CMSS1: variants seen among roughly 807,000 people sequenced by gnomAD.
The protein encoded by CMSS1 is cms1 ribosomal small subunit homolog, also known as protein CMSS1.
CMSS1 carries 33 observed loss-of-function variants against 43.5 expected under a neutral mutation model. The ratio of observed to expected loss-of-function variants is 0.76; its 90% CI spans 0.57 to 1.01. The LOEUF is 1.01. CMSS1 is among the 50% of genes least tolerant of loss of function. CMSS1 has a pLI of 0.00. For missense variants in CMSS1, 313 were observed against 326.4 expected, an observed-to-expected ratio of 0.96 and a Z score of 0.32; for synonymous variants, 115 against 117.2, an observed-to-expected ratio of 0.98 and a Z score of 0.12.
chr3:99,825,283 C>G (rs974527479), intron 1 of CMSS1, among the ~76,000 whole-genome samples: 1 of 152,176 alleles, frequency 6.6e-6, no homozygotes, highest in African/African-American at 2.4e-5. Context: ...AAAACATAAT[C>G]AGCTTACATT....
rs188622899 is a variant in CMSS1 at position 99,911,884 on chromosome 3, A to T, written c.64+93841A>T. 2.0e-5 allele frequency among the ~76,000 whole-genome samples: 3 copies of T among 152,328 alleles called. No individual in the cohort carries two copies. In the East Asian group the frequency reaches 5.8e-4, roughly 29 times the overall value. ...TGTTAAGTTAAATGAAAGAATGGAT[A>T]ACAAATATCCCCCATTTTCTCTCTT... On this transcript the variant is annotated intron_variant, in intron 1 of 9. Coordinates refer to ENST00000421999, the MANE Select transcript of CMSS1 (RefSeq NM_032359.4).
At chr3:99,891,671 C>G in intron 1 of CMSS1, among the ~76,000 whole-genome samples, 1 of 152,008 alleles carries the variant, frequency 6.6e-6, no homozygotes, top group East Asian at 1.9e-4. Flanking sequence ...AATCTCATAC[C>G]GAAAATCAGC....
chr3:100,175,197 T>C (rs1442489806), intron 8 of CMSS1, among the ~76,000 whole-genome samples: 1 of 152,194 alleles, frequency 6.6e-6, no homozygotes, highest in Non-Finnish European at 1.5e-5. Flanking sequence ...GCAATGATCA[T>C]TTTTGCAAGT....
rs1033889136 is a variant in CMSS1 at position 99,880,953 on chromosome 3, T to G, written c.64+62910T>G. Among the ~76,000 whole-genome samples, 74 of 152,242 alleles carry G rather than the reference T, an allele frequency of 4.9e-4. 1 individual carries two copies. Among genetic ancestry groups the G allele is most frequent in the Admixed American group, 4.7e-3 (72 of 15,288 alleles). On this transcript the variant is annotated intron_variant, in intron 1 of 9. Transcript: ENST00000421999. ...ATTTCTGAATCATGTTAGTGGCTTT[T>G]CTGTAGACATTGGGCTATTTAAAAG...
chr3:99,934,664 T>G (rs967719881), intron 1 of CMSS1, among the ~76,000 whole-genome samples: 2 of 152,212 alleles, frequency 1.3e-5, no homozygotes, highest in African/African-American at 2.4e-5. Flanking sequence ...CCTTTTAGCT[T>G]AAGGCAGCCC....
chr3:100,164,562 A>C (rs562867483), intron 4 of CMSS1, among the ~76,000 whole-genome samples: 32 of 152,318 alleles, frequency 2.1e-4, no homozygotes, highest in Non-Finnish European at 4.3e-4. Context: ...TATAACCAAA[A>C]AGGACAGGTT....
At chr3:99,959,933 A>G (rs1424527307) in intron 1 of CMSS1, among the ~76,000 whole-genome samples, 2 of 152,198 alleles carry the variant, frequency 1.3e-5, no homozygotes, top group African/African-American at 4.8e-5. Context: ...GATGCATTCA[A>G]TGCATTCAGA....
chr3:100,109,227 A>T (rs550534677), intron 1 of CMSS1, among the ~76,000 whole-genome samples: 62 of 152,224 alleles, frequency 4.1e-4, no homozygotes, highest in Non-Finnish European at 6.3e-4. Flanking sequence ...CCTAAAAAAA[A>T]ATTTTTCAAT....
At position 99,923,566 on chromosome 3, in the gene CMSS1, G is replaced by A. The variant is rs542074328; in HGVS notation, c.64+105523G>A. On this transcript the variant is annotated intron_variant, in intron 1 of 9. Transcript: ENST00000421999. ...ACTAAACATCATAAGTAGTTCATGC[G>A]CACACCCCCCTCCCAACCTCATGGC... 3.9e-5 allele frequency among the ~76,000 whole-genome samples: 6 copies of A among 152,082 alleles called. No individual in the cohort carries two copies. In the South Asian group the frequency reaches 6.3e-4, roughly 16 times the overall value.
chr3:99,995,872 C>A (rs1709663576), intron 1 of CMSS1, among the ~76,000 whole-genome samples: 1 of 152,198 alleles, frequency 6.6e-6, no homozygotes, highest in African/African-American at 2.4e-5. Flanking sequence ...GCATGGGGAT[C>A]CTGGGCCCAG....
At chr3:100,142,063 T>C (rs1307786195) in intron 1 of CMSS1, among the ~76,000 whole-genome samples, 2 of 152,240 alleles carry the variant, frequency 1.3e-5, no homozygotes, top group Non-Finnish European at 2.9e-5. Flanking sequence ...AACAACTAAA[T>C]TATCCAATTT....
intron 1 of CMSS1, among the ~76,000 whole-genome samples, chr3:99,890,599 C>T (rs940883157): frequency 1.3e-5 from 2 of 152,042 alleles, no homozygotes; most frequent in Non-Finnish European, 2.9e-5. Flanking sequence ...ATTTTTCTTC[C>T]AGTTTACTAA....
At position 100,176,360 on chromosome 3, in the gene CMSS1, T is replaced by G. The variant is rs970385007; in HGVS notation, c.701T>G (p.Val234Gly). Residue 234 changes from valine to glycine, a missense_variant, in exon 9 of 10, where the codon GTT becomes GGT. Val to Gly is a moderately radical substitution (Grantham distance 109, BLOSUM62 -3). Coordinates refer to ENST00000421999, the MANE Select transcript of CMSS1 (RefSeq NM_032359.4). ...GLNLSPLKFL[V>G]FDWNWRDQKL... is the part of the protein sequence containing the mutation. ...AATTTGAGCCCCTTAAAATTTCTGG[T>G]TTTTGACTGGAACTGGAGAGATCAG... The G allele has an allele frequency of 3.7e-6, 6 of 1,613,362 alleles. No homozygotes were observed. The highest frequency in any genetic ancestry group is 5.1e-6 in the Non-Finnish European group (6 of 1,179,402).
At chr3:100,040,461 A>C (rs1004726035) in intron 1 of CMSS1, 1 of 152,218 alleles carries the variant, frequency 6.6e-6, no homozygotes, top group Non-Finnish European at 1.5e-5. Flanking sequence ...GAAACAGTTT[A>C]GGTAGCATCA....
At chr3:100,045,211 C>G (rs2065260255) in intron 1 of CMSS1, among the ~76,000 whole-genome samples, 1 of 152,210 alleles carries the variant, frequency 6.6e-6, no homozygotes, top group Non-Finnish European at 1.5e-5. Flanking sequence ...GCATCTATAA[C>G]TTGGAAGTAA....
intron 1 of CMSS1, among the ~76,000 whole-genome samples, chr3:100,107,402 T>C (rs1352619038): frequency 2.0e-5 from 3 of 152,128 alleles, no homozygotes. Context: ...TCTGACACTT[T>C]GTTGGTAGAA....
intron 1 of CMSS1, among the ~76,000 whole-genome samples, chr3:100,123,105 A>T (rs765386547): frequency 1.3e-5 from 2 of 152,242 alleles, no homozygotes; most frequent in Non-Finnish European, 2.9e-5. Flanking sequence ...AAATCAGATG[A>T]TAAGTACATC....
chr3:99,942,828 C>CAA (rs55862003), intron 1 of CMSS1, among the ~76,000 whole-genome samples: 1 of 126,080 alleles, frequency 7.9e-6, no homozygotes, highest in Non-Finnish European at 1.7e-5. Flanking sequence ...GACTCTGTCT[C>CAA]AAAAAAAAAA....
chr3:100,148,299 G>A (rs919187186), intron 2 of CMSS1, among the ~76,000 whole-genome samples: 2 of 152,018 alleles, frequency 1.3e-5, no homozygotes, highest in Non-Finnish European at 2.9e-5. Context: ...GGCTGGTCTC[G>A]AACTTCTGGG....
Sources: allele counts gnomAD v4.1 joint callset (sites outside exome capture counted in the v4.1 genomes callset), GRCh38; gene constraint gnomAD v4.1.1; transcripts MANE v1.5; gene names NCBI Gene and HGNC (gene_info 2026-07-23, HGNC 2026-07-21).